The following ERBB4 variants were observed in gnomAD, a reference collection of about 807,000 sequenced individuals.
The protein encoded by ERBB4 is receptor tyrosine-protein kinase erbB-4.
Under a neutral mutation model 158.0 loss-of-function variants are expected in ERBB4, and 42 were observed. That is an observed-to-expected ratio of 0.27 (90% confidence interval 0.21 to 0.34). The LOEUF (loss-of-function observed/expected upper bound fraction) is 0.34, where lower values mean the gene tolerates loss of function less well. Ranked by LOEUF, ERBB4 falls within the 10% of genes least tolerant of loss-of-function variation. ERBB4 has a pLI of 1.00. For missense variants in ERBB4, 1,333 were observed against 1,624.1 expected (o/e 0.82, Z 3.08); for synonymous variants, 583 against 558.7 (o/e 1.04, Z -0.61).
intron 1 of ERBB4, among the ~76,000 whole-genome samples, chr2:212,514,013 GCTCCAAGTCAT>G (rs1691681158): frequency 6.6e-6 from 1 of 151,934 alleles, no homozygotes; most frequent in Non-Finnish European, 1.5e-5. Context: ...GTCTTAAATA[GCTCCAAGTCAT>G]CTAAATTTCA....
At position 212,537,132 on chromosome 2, in the gene ERBB4, A is replaced by AGGC. The variant is rs71397171; in HGVS notation, c.82+1314_82+1316dup. Among the ~76,000 whole-genome samples, 188 of 99,528 alleles carry AGGC rather than the reference A, an allele frequency of 1.9e-3. 3 individuals are homozygous for AGGC. In the East Asian group the frequency reaches 0.028, roughly 15 times the overall value. The allele number at this position is 99,528 out of a possible 152,430, so 65.3% of individuals were successfully genotyped here. A position where few individuals can be genotyped will look rare whatever the true frequency, so the allele number is the denominator to read the frequency against. On this transcript the variant is annotated intron_variant, in intron 1 of 27. Transcript: ENST00000342788. ...TAACTTGTTATTTACTAGGCAAAGGAGGCGGCGGCGGCGGCGGCGGCGGAG... is the reference window on the plus strand; with the variant it reads ...TAACTTGTTATTTACTAGGCAAAGGAGGCGGCGGCGGCGGCGGCGGCGGCGGAG...
chr2:212,240,665 A>AAAAAAAAAAAAAAAAAAC (rs1559823350), intron 1 of ERBB4, among the ~76,000 whole-genome samples: 4 of 145,800 alleles, frequency 2.7e-5, no homozygotes, highest in African/African-American at 1.1e-4. Flanking sequence ...AAAAAAAAAA[A>AAAAAAAAAAAAAAAAAAC]AACAGAAAAA....
chr2:211,401,939 AATAAT>A (rs1333287200), intron 25 of ERBB4, among the ~76,000 whole-genome samples: 2 of 151,474 alleles, frequency 1.3e-5, no homozygotes, highest in South Asian at 2.1e-4. Context: ...ATTATAATAT[AATAAT>A]ATATTATATA....
chr2:212,123,649 A>G (rs956704583), intron 2 of ERBB4, among the ~76,000 whole-genome samples: 1 of 152,184 alleles, frequency 6.6e-6, no homozygotes, highest in African/African-American at 2.4e-5. Flanking sequence ...CGTTTTAAAA[A>G]TGGATATCAT....
At chr2:212,429,480 G>A (rs561052746) in intron 1 of ERBB4, among the ~76,000 whole-genome samples, 2 of 152,228 alleles carry the variant, frequency 1.3e-5, no homozygotes, top group South Asian at 4.2e-4. Flanking sequence ...AAAGGAGGAG[G>A]CTGTCATAAA....
chr2:211,864,517 C>G lies in ERBB4; in HGVS notation c.422-76358G>C, dbSNP rs560646466. 2.4e-4 allele frequency among the ~76,000 whole-genome samples: 36 copies of G among 152,250 alleles called. No homozygotes were observed. The South Asian group carries it at 7.2e-3, about 31-fold the overall frequency. ...AAATGATACCAGGGTCTGAAAAGCT[C>G]AAGATGCTGACCTTGGCAGAAAATT... On this transcript the variant is annotated intron_variant, in intron 3 of 27. Coordinates refer to ENST00000342788, the MANE Select transcript of ERBB4 (RefSeq NM_005235.3).
chr2:211,687,597 T>C (rs1425924394), intron 12 of ERBB4, among the ~76,000 whole-genome samples: 1 of 152,114 alleles, frequency 6.6e-6, no homozygotes, highest in Non-Finnish European at 1.5e-5. Flanking sequence ...GTGGAGCAAT[T>C]ATTGTCTAAA....
intron 1 of ERBB4, among the ~76,000 whole-genome samples, chr2:212,445,342 T>C (rs2092326703): frequency 6.6e-6 from 1 of 152,162 alleles, no homozygotes. Context: ...TTAACCCCAG[T>C]GATCCACTAG....
chr2:211,468,776 G>T (rs1165069757), intron 20 of ERBB4, among the ~76,000 whole-genome samples: 2 of 152,148 alleles, frequency 1.3e-5, no homozygotes, highest in African/African-American at 4.8e-5. Context: ...TACTATCATG[G>T]TGCTTTCATC....
chr2:212,266,560 A>G (rs531890634), intron 1 of ERBB4, among the ~76,000 whole-genome samples: 1 of 151,982 alleles, frequency 6.6e-6, no homozygotes, highest in Non-Finnish European at 1.5e-5. Context: ...GCTGCTAAGA[A>G]GAATGCTTTC....
intron 1 of ERBB4, among the ~76,000 whole-genome samples, chr2:212,131,690 A>G (rs2080111577): frequency 6.6e-6 from 1 of 152,198 alleles, no homozygotes; most frequent in Non-Finnish European, 1.5e-5. Context: ...AAGGAAGAGT[A>G]TGTCTCTAAT....
intron 20 of ERBB4, among the ~76,000 whole-genome samples, chr2:211,501,956 T>C (rs1206169037): frequency 2.0e-5 from 3 of 152,154 alleles, no homozygotes; most frequent in African/African-American, 7.2e-5. Flanking sequence ...TGTTCCTCCA[T>C]ATACTTTTCC....
intron 15 of ERBB4, among the ~76,000 whole-genome samples, chr2:211,663,929 T>C (rs1226346242): frequency 6.6e-6 from 1 of 152,112 alleles, no homozygotes; most frequent in Non-Finnish European, 1.5e-5. Context: ...AACTCAAGTA[T>C]GCCAAAAACT....
intron 12 of ERBB4, among the ~76,000 whole-genome samples, chr2:211,694,797 G>A (rs2072954267): frequency 6.6e-6 from 1 of 152,060 alleles, no homozygotes; most frequent in African/African-American, 2.4e-5. Flanking sequence ...CTTCTAACTT[G>A]GTAGGCTGCA....
At chr2:212,502,969 C>T (rs1690976136) in intron 1 of ERBB4, among the ~76,000 whole-genome samples, 1 of 152,058 alleles carries the variant, frequency 6.6e-6, no homozygotes, top group Admixed American at 6.6e-5. Flanking sequence ...TGGCATGTTG[C>T]CCAAGCTGGT....
intron 1 of ERBB4, among the ~76,000 whole-genome samples, chr2:212,465,376 G>A (rs1018014796): frequency 2.0e-5 from 3 of 152,120 alleles, no homozygotes; most frequent in Admixed American, 6.6e-5. Flanking sequence ...AAGGGAAAGC[G>A]AACAGTCATG....
At chr2:212,008,804 G>T (rs567673048) in intron 2 of ERBB4, among the ~76,000 whole-genome samples, 3 of 152,150 alleles carry the variant, frequency 2.0e-5, no homozygotes, top group South Asian at 4.1e-4. Flanking sequence ...AGAAAATAAG[G>T]AAATTGACAG....
chr2:211,572,483 C>T (rs956246938), intron 19 of ERBB4, among the ~76,000 whole-genome samples: 3 of 152,142 alleles, frequency 2.0e-5, no homozygotes, highest in South Asian at 2.1e-4. Context: ...CGGGCTACGA[C>T]GCTCCCTGGC....
intron 1 of ERBB4, among the ~76,000 whole-genome samples, chr2:212,288,607 C>A (rs925534171): frequency 6.6e-6 from 1 of 152,256 alleles, no homozygotes; most frequent in South Asian, 2.1e-4. Context: ...GCCGGCTTCT[C>A]GCTTTGCTGA....
Sources: allele counts gnomAD v4.1 joint callset (sites outside exome capture counted in the v4.1 genomes callset), GRCh38; gene constraint gnomAD v4.1.1; transcripts MANE v1.5; gene names NCBI Gene and HGNC (gene_info 2026-07-23, HGNC 2026-07-21).